RAB1A: variants seen among roughly 807,000 people sequenced by gnomAD.
The protein encoded by RAB1A is RAB1A, member RAS oncogene family, also known as ras-related protein Rab-1A.
A neutral mutation model predicts 26.0 loss-of-function variants in RAB1A; 2 were observed. The ratio of observed to expected loss-of-function variants is 0.08; its 90% CI spans 0.03 to 0.24. The LOEUF (loss-of-function observed/expected upper bound fraction) is 0.24, where lower values mean the gene tolerates loss of function less well. Among genes scored for constraint, RAB1A ranks in the 10% least tolerant of loss-of-function variants. The pLI is 1.00. For synonymous variants in RAB1A, 84 were observed against 84.9 expected, an observed-to-expected ratio of 0.99 and a Z score of 0.06; for missense variants, 100 against 247.0, an observed-to-expected ratio of 0.40 and a Z score of 3.99.
At chr2:65,117,713 CG>C (rs1669857074) in intron 1 of RAB1A, among the ~76,000 whole-genome samples, 1 of 147,980 alleles carries the variant, frequency 6.8e-6, no homozygotes, top group African/African-American at 2.5e-5. Flanking sequence ...ACCACAGGCG[CG>C]TGCCACCACG....
intron 4 of RAB1A, among the ~76,000 whole-genome samples, chr2:65,090,360 G>C (rs1464194909): frequency 6.6e-6 from 1 of 151,980 alleles, no homozygotes; most frequent in African/African-American, 2.4e-5. Context: ...TGATAGAAAG[G>C]ACACTGAAAT....
chr2:65,122,974 CAAAAAAAAAAAA>C (rs751246247), intron 1 of RAB1A, among the ~76,000 whole-genome samples: 4 of 34,620 alleles, frequency 1.2e-4, no homozygotes, highest in African/African-American at 2.5e-4. Flanking sequence ...CCGTCTCAGA[CAAAAAAAAAAAA>C]AAAAAAAAAG....
chr2:65,089,155 CA>C lies in RAB1A; in HGVS notation c.289-86del, dbSNP rs879252505. On this transcript the variant is annotated intron_variant, in intron 4 of 5. Transcript: ENST00000409784. ...GAAACATCGTTCCTGACCTAACAGA[CA>C]AATAACAAAGAGCTAGTGAGACAAC... 37 of 1,279,018 alleles carry C rather than the reference CA, an allele frequency of 2.9e-5. No individual in the cohort carries two copies. The South Asian group carries it at 5.1e-4, about 18-fold the overall frequency. The allele number at this position is 1,279,018 out of a possible 1,614,324, so 79.2% of individuals were successfully genotyped here. A position where few individuals can be genotyped will look rare whatever the true frequency, so the allele number is the denominator to read the frequency against.
chr2:65,106,830 T>G (rs1193156717), intron 1 of RAB1A, among the ~76,000 whole-genome samples: 1 of 151,552 alleles, frequency 6.6e-6, no homozygotes, highest in African/African-American at 2.4e-5. Context: ...CTGGCTGACT[T>G]TACTACTATT....
At chr2:65,127,981 G>A (rs1485961385) in intron 1 of RAB1A, among the ~76,000 whole-genome samples, 3 of 152,040 alleles carry the variant, frequency 2.0e-5, no homozygotes, top group Non-Finnish European at 4.4e-5. Context: ...GGATCCGCCC[G>A]CCTCGGCCTC....
At chr2:65,113,926 C>G (rs552973566) in intron 1 of RAB1A, among the ~76,000 whole-genome samples, 2 of 152,226 alleles carry the variant, frequency 1.3e-5, no homozygotes, top group East Asian at 3.9e-4. Flanking sequence ...GCTTGTATGA[C>G]TTTTATAACC....
At chr2:65,095,942 A>G (rs1372943281) in intron 3 of RAB1A, among the ~76,000 whole-genome samples, 2 of 152,182 alleles carry the variant, frequency 1.3e-5, no homozygotes. Flanking sequence ...TCACGAGGTC[A>G]GGAGTTCGAG....
chr2:65,120,513 T>C (rs978810420), intron 1 of RAB1A, among the ~76,000 whole-genome samples: 2 of 147,476 alleles, frequency 1.4e-5, no homozygotes, highest in East Asian at 2.0e-4. Flanking sequence ...GATTTAAAGC[T>C]AAGCTTTGTC....
chr2:65,089,720 T>TTTTTTTTA (rs1669124865), intron 4 of RAB1A, among the ~76,000 whole-genome samples: 6 of 120,876 alleles, frequency 5.0e-5, no homozygotes, highest in African/African-American at 1.5e-4. Context: ...TTTTTTTTTT[T>TTTTTTTTA]GAGACAAAGT....
chr2:65,129,739 T>C (rs895105090), intron 1 of RAB1A, among the ~76,000 whole-genome samples, 154 bp downstream of exon 1: 33 of 149,484 alleles, frequency 2.2e-4, no homozygotes, highest in Admixed American at 5.3e-4. Flanking sequence ...CGTCAGACAA[T>C]GGGGCCCGAC....
chr2:65,112,588 T>A (rs545191139), intron 1 of RAB1A, among the ~76,000 whole-genome samples: 11 of 152,318 alleles, frequency 7.2e-5, no homozygotes, highest in Non-Finnish European at 1.5e-4. Flanking sequence ...GTTGAACTGC[T>A]TGAATTTTAT....
At chr2:65,127,178 T>C (rs1670119688) in intron 1 of RAB1A, among the ~76,000 whole-genome samples, 1 of 126,454 alleles carries the variant, frequency 7.9e-6, no homozygotes, top group Non-Finnish European at 1.7e-5. Context: ...GAAAGGATGA[T>C]TTGACACCGT....
At chr2:65,100,162 G>A (rs967669952) in intron 2 of RAB1A, among the ~76,000 whole-genome samples, 1 of 152,118 alleles carries the variant, frequency 6.6e-6, no homozygotes, top group African/African-American at 2.4e-5. Flanking sequence ...AGCACTTTGG[G>A]AGGCCAAGGT....
At chr2:65,109,078 T>C (rs1669632362) in intron 1 of RAB1A, among the ~76,000 whole-genome samples, 1 of 152,228 alleles carries the variant, frequency 6.6e-6, no homozygotes. Flanking sequence ...CATTGGGACA[T>C]TTTAAATTAC....
intron 1 of RAB1A, among the ~76,000 whole-genome samples, chr2:65,110,736 C>T (rs958313270): frequency 6.6e-6 from 1 of 151,860 alleles, no homozygotes; most frequent in South Asian, 2.1e-4. Context: ...AAGTTCAAGA[C>T]CAGCCTGAGC....
At chr2:65,104,308 C>T (rs751822412) in intron 2 of RAB1A, among the ~76,000 whole-genome samples, 1 of 152,086 alleles carries the variant, frequency 6.6e-6, no homozygotes, top group Non-Finnish European at 1.5e-5. Flanking sequence ...GTGATCCTTC[C>T]ACCCTCAGCA....
chr2:65,100,380 G>A (rs1041336251), intron 2 of RAB1A, among the ~76,000 whole-genome samples: 7 of 126,800 alleles, frequency 5.5e-5, no homozygotes, highest in Admixed American at 4.6e-4. Flanking sequence ...CAGCCCAGGC[G>A]ACAAGGCATG....
At chr2:65,091,176 G>A in intron 3 of RAB1A, 98 bp from the exon 4 acceptor site, 9 of 877,038 alleles carry the variant, frequency 1.0e-5, no homozygotes, top group Non-Finnish European at 1.6e-5. Flanking sequence ...TCATAACTGT[G>A]GAGATTATCA....
At chr2:65,098,554 C>T (rs1669343280) in intron 2 of RAB1A, among the ~76,000 whole-genome samples, 2 of 151,750 alleles carry the variant, frequency 1.3e-5, no homozygotes, top group Admixed American at 1.3e-4. Flanking sequence ...AGATATAATG[C>T]ACATAACATA....
Sources: allele counts gnomAD v4.1 joint callset (sites outside exome capture counted in the v4.1 genomes callset), GRCh38; gene constraint gnomAD v4.1.1; transcripts MANE v1.5; gene names NCBI Gene and HGNC (gene_info 2026-07-23, HGNC 2026-07-21).